NKAIN2: variants seen among roughly 807,000 people sequenced by gnomAD.
The protein encoded by NKAIN2 is sodium/potassium transporting ATPase interacting 2, also known as sodium/potassium-transporting ATPase subunit beta-1-interacting protein 2.
NKAIN2 carries 14 observed loss-of-function variants against 32.6 expected under a neutral mutation model. That is an observed-to-expected ratio of 0.43 (90% CI 0.28 to 0.67). The LOEUF (loss-of-function observed/expected upper bound fraction) is 0.67, where lower values mean the gene tolerates loss of function less well. Among genes scored for constraint, NKAIN2 ranks in the 30% least tolerant of loss-of-function variants. The pLI is 0.17. For synonymous variants in NKAIN2, 80 were observed against 87.2 expected, an observed-to-expected ratio of 0.92 and a Z score of 0.46; for missense variants, 198 against 258.3, an observed-to-expected ratio of 0.77 and a Z score of 1.60.
chr6:124,451,570 C>T (rs1776109573), intron 3 of NKAIN2, among the ~76,000 whole-genome samples: 1 of 151,988 alleles, frequency 6.6e-6, no homozygotes, highest in African/African-American at 2.4e-5. Flanking sequence ...GGATGAGAGA[C>T]CAATTATGAT....
At chr6:124,611,397 C>T (rs577732193) in intron 3 of NKAIN2, among the ~76,000 whole-genome samples, 2 of 152,022 alleles carry the variant, frequency 1.3e-5, no homozygotes, top group South Asian at 2.1e-4. Flanking sequence ...TTCTGGGATA[C>T]GTGTGTAGAA....
At chr6:124,368,685 T>C (rs4142953) in intron 3 of NKAIN2, among the ~76,000 whole-genome samples, 127,599 of 152,096 alleles carry the variant, frequency 0.84, 53,632 homozygotes, top group African/African-American at 0.88. Context: ...GTTTGAAACT[T>C]AGCTGTCTTC....
Position 124,241,442 on chromosome 6 carries a change from C to T in NKAIN2, c.55-41563C>T, listed in dbSNP as rs146307586. Among the ~76,000 whole-genome samples the T allele has an allele frequency of 6.1e-3, 927 of 152,208 alleles. 12 individuals carry two copies. The highest frequency in any genetic ancestry group is 0.022 in the African/African-American group (897 of 41,530). Reference sequence around the variant, plus strand: ...AAGAGCCCATATAGCCAAGACAATCCTAAGCAAAAAGAACAAAGCTGGAGG... The same window carrying T: ...AAGAGCCCATATAGCCAAGACAATCTTAAGCAAAAAGAACAAAGCTGGAGG... On this transcript the variant is annotated intron_variant, in intron 1 of 6. Transcript: ENST00000368417.
intron 2 of NKAIN2, among the ~76,000 whole-genome samples, chr6:124,352,533 G>A (rs1448803944): frequency 6.6e-6 from 1 of 152,080 alleles, no homozygotes; most frequent in Non-Finnish European, 1.5e-5. Context: ...GCTTGCCGAC[G>A]ACAAATTTTC....
chr6:124,700,910 TGAAA>T (rs1774749872), intron 4 of NKAIN2, among the ~76,000 whole-genome samples: 2 of 115,754 alleles, frequency 1.7e-5, no homozygotes, highest in African/African-American at 6.7e-5. Context: ...TCTCTCATCA[TGAAA>T]GAGACAATTT....
At chr6:124,631,441 A>C (rs569416618) in intron 3 of NKAIN2, among the ~76,000 whole-genome samples, 1 of 152,322 alleles carries the variant, frequency 6.6e-6, no homozygotes, top group South Asian at 2.1e-4. Flanking sequence ...TAGGCAACAA[A>C]AAAATTATAT....
chr6:124,274,646 G>C (rs1794941763), intron 1 of NKAIN2, among the ~76,000 whole-genome samples: 1 of 151,914 alleles, frequency 6.6e-6, no homozygotes, highest in South Asian at 2.1e-4. Context: ...TAAAGATAAT[G>C]GTAGATAATC....
intron 4 of NKAIN2, among the ~76,000 whole-genome samples, chr6:124,786,893 A>G (rs1000842190): frequency 2.6e-5 from 4 of 152,118 alleles, no homozygotes; most frequent in Non-Finnish European, 5.9e-5. Flanking sequence ...CTCTAACAAC[A>G]TGAGCCTCTA....
intron 1 of NKAIN2, among the ~76,000 whole-genome samples, chr6:124,107,778 A>G (rs978599195): frequency 6.6e-6 from 1 of 152,078 alleles, no homozygotes; most frequent in Non-Finnish European, 1.5e-5. Context: ...TTCCTCATAT[A>G]AGTATCTGCC....
At chr6:124,075,747 C>T (rs1170729480) in intron 1 of NKAIN2, among the ~76,000 whole-genome samples, 1 of 152,128 alleles carries the variant, frequency 6.6e-6, no homozygotes, top group African/African-American at 2.4e-5. Flanking sequence ...AGGCACCCAC[C>T]ACCATGTCCG....
At chr6:124,441,282 C>T (rs1775677329) in intron 3 of NKAIN2, among the ~76,000 whole-genome samples, 1 of 152,030 alleles carries the variant, frequency 6.6e-6, no homozygotes, top group South Asian at 2.1e-4. Context: ...AAGAATAATC[C>T]ATACCATGAT....
chr6:123,827,227 G>A (rs553566229), intron 1 of NKAIN2, among the ~76,000 whole-genome samples: 1 of 152,144 alleles, frequency 6.6e-6, no homozygotes, highest in South Asian at 2.1e-4. Flanking sequence ...ACATTGTTCT[G>A]AACAGAAGTA....
At chr6:124,080,428 TA>T (rs757790981) in intron 1 of NKAIN2, among the ~76,000 whole-genome samples, 15 of 152,174 alleles carry the variant, frequency 9.9e-5, no homozygotes, top group Non-Finnish European at 1.8e-4. Flanking sequence ...TTGTCAGAGA[TA>T]TTTTTAAAGA....
At chr6:124,044,930 A>G (rs1308167701) in intron 1 of NKAIN2, among the ~76,000 whole-genome samples, 1 of 151,980 alleles carries the variant, frequency 6.6e-6, no homozygotes, top group Non-Finnish European at 1.5e-5. Context: ...TAAGGAAAAT[A>G]AGTAAGTCTT....
intron 1 of NKAIN2, among the ~76,000 whole-genome samples, chr6:124,174,793 C>T (rs1387662490): frequency 1.3e-5 from 2 of 152,106 alleles, no homozygotes; most frequent in Non-Finnish European, 2.9e-5. Flanking sequence ...ATGTAGGCAA[C>T]CTTGGTGTCC....
intron 1 of NKAIN2, among the ~76,000 whole-genome samples, chr6:124,122,617 A>G (rs912979625): frequency 1.3e-5 from 2 of 152,174 alleles, no homozygotes; most frequent in Non-Finnish European, 2.9e-5. Context: ...AGGAAATTGT[A>G]CAAATTCCAA....
chr6:124,799,893 A>G (rs1248048221), intron 5 of NKAIN2, among the ~76,000 whole-genome samples: 3 of 152,206 alleles, frequency 2.0e-5, no homozygotes, highest in East Asian at 3.8e-4. Context: ...GGTGTCCTGG[A>G]CTAGCTACCT....
intron 1 of NKAIN2, among the ~76,000 whole-genome samples, chr6:124,210,432 G>A (rs1436715960): frequency 1.3e-5 from 2 of 151,688 alleles, no homozygotes; most frequent in Non-Finnish European, 3.0e-5. Flanking sequence ...GTCTTTTGTG[G>A]TTCCATATAA....
intron 4 of NKAIN2, among the ~76,000 whole-genome samples, chr6:124,731,049 A>T (rs1305675729): frequency 6.9e-6 from 1 of 145,572 alleles, no homozygotes; most frequent in Non-Finnish European, 1.5e-5. Context: ...ATCATTAAAA[A>T]GTCAGGAAAC....
Sources: gnomAD v4.1 joint callset for allele counts (sites outside exome capture counted in the v4.1 genomes callset) on GRCh38, gnomAD v4.1.1 for gene constraint, MANE v1.5 for transcripts, NCBI Gene and HGNC (gene_info 2026-07-23, HGNC 2026-07-21) for gene names.